MAN2A1: variants seen among roughly 807,000 people sequenced by gnomAD.
MAN2A1 encodes the protein alpha-mannosidase 2.
Under a neutral mutation model 142.6 loss-of-function variants are expected in MAN2A1, and 76 were observed. The ratio of observed to expected loss-of-function variants is 0.53; its 90% CI spans 0.44 to 0.65. The LOEUF is 0.65. MAN2A1 is among the 30% of genes least tolerant of loss of function. The probability of loss-of-function intolerance (pLI) is 0.00; values close to 1 mark genes in which losing one functional copy is unlikely to be tolerated. For synonymous variants in MAN2A1, 559 were observed against 473.2 expected (o/e 1.18, Z -2.35); for missense variants, 1,311 against 1,365.1 (o/e 0.96, Z 0.62).
intron 12 of MAN2A1, among the ~76,000 whole-genome samples, chr5:109,803,911 G>T (rs1046338482): frequency 2.0e-5 from 3 of 152,150 alleles, no homozygotes; most frequent in African/African-American, 7.2e-5. Flanking sequence ...ATTTCTATTG[G>T]GGTGGGAGTA....
At chr5:109,782,640 A>G (rs139547496) in intron 9 of MAN2A1, among the ~76,000 whole-genome samples, 2 of 152,262 alleles carry the variant, frequency 1.3e-5, no homozygotes, top group South Asian at 2.1e-4. Flanking sequence ...ATTAAAAATT[A>G]TGAATTTAAG....
chr5:109,845,843 A>T (rs750777743), intron 17 of MAN2A1, 22 bp from the exon 18 acceptor site: 3 of 1,591,380 alleles, frequency 1.9e-6, no homozygotes, highest in African/African-American at 2.7e-5. Context: ...CTTTTTGTAG[A>T]TGGAATTGTT....
At chr5:109,713,378 G>A in intron 1 of MAN2A1, 142 bp from the exon 2 acceptor site, 1 of 566,126 alleles carries the variant, frequency 1.8e-6, no homozygotes, top group African/African-American at 1.9e-5. Context: ...CATGCTTTCT[G>A]CGATCCCACT....
chr5:109,803,573 AT>A (rs1394093078), intron 12 of MAN2A1, among the ~76,000 whole-genome samples: 1 of 152,070 alleles, frequency 6.6e-6, no homozygotes, highest in Non-Finnish European at 1.5e-5. Context: ...TATATATAGA[AT>A]TATGATGAGG....
chr5:109,840,473 A>T (rs1380783098), intron 16 of MAN2A1: 13 of 479,138 alleles, frequency 2.7e-5, no homozygotes, highest in South Asian at 1.4e-4. Flanking sequence ...GAAGTCATCA[A>T]ACCGAGAATC....
At chr5:109,846,070 G>C (rs1755337759) in intron 18 of MAN2A1, 64 bp downstream of exon 18, 3 of 1,454,388 alleles carry the variant, frequency 2.1e-6, no homozygotes, top group Non-Finnish European at 1.9e-6. Context: ...TACTTTTTCT[G>C]TTGGTCAGAT....
intron 7 of MAN2A1, among the ~76,000 whole-genome samples, chr5:109,774,298 A>C (rs1285759413): frequency 6.6e-6 from 1 of 152,150 alleles, no homozygotes; most frequent in Non-Finnish European, 1.5e-5. Context: ...GGTTTTGTTC[A>C]AAGTACACTT....
chr5:109,750,165 G>GT (rs1752508074), intron 4 of MAN2A1, among the ~76,000 whole-genome samples: 1 of 151,874 alleles, frequency 6.6e-6, no homozygotes, highest in East Asian at 1.9e-4. Flanking sequence ...AATTTTCTTT[G>GT]TTTTTTGGGG....
At chr5:109,737,998 G>C (rs544877378) in intron 4 of MAN2A1, among the ~76,000 whole-genome samples, 11 of 152,164 alleles carry the variant, frequency 7.2e-5, no homozygotes, top group African/African-American at 2.7e-4. Flanking sequence ...TGAGGTGTGT[G>C]CGTGTGCTTT....
chr5:109,774,771 G>T lies in MAN2A1; in HGVS notation c.1197-17G>T, dbSNP rs1753237275. On this transcript the variant is annotated splice_polypyrimidine_tract_variant and intron_variant, in intron 7 of 21. Transcript: ENST00000261483. ...AAATTCATATTTGCTGTTTTTTTGTGTTTGTTTTTTTTGTAGGGCTCGGAT... is the reference window on the plus strand; with the variant it reads ...AAATTCATATTTGCTGTTTTTTTGTTTTTGTTTTTTTTGTAGGGCTCGGAT... 5 of 1,579,598 alleles carry T rather than the reference G, an allele frequency of 3.2e-6. No homozygotes were observed. The highest frequency in any genetic ancestry group is 2.8e-5 in the African/African-American group (2 of 71,966).
Position 109,784,804 on chromosome 5 carries a change from AT to A in MAN2A1, c.1641del (p.Leu548SerfsTer9). ...AAGCTCACAAATACAAGATAAATAA[AT>A]TTCTCTCATCATCACTTTACACGGC... The part of the protein sequence containing the change: ...RQAHKYKINK[F>X]LSSSLYTALT... On this transcript the variant is annotated frameshift_variant, in exon 10 of 22. Transcript: ENST00000261483. LOFTEE classifies it high-confidence loss of function. 2 of 1,611,932 alleles carry A rather than the reference AT, an allele frequency of 1.2e-6. No individual in the cohort carries two copies. Among genetic ancestry groups the A allele is most frequent in the African/African-American group, 1.3e-5 (1 of 74,928 alleles).
At chr5:109,753,766 G>C (rs970425410) in intron 4 of MAN2A1, among the ~76,000 whole-genome samples, 1 of 152,114 alleles carries the variant, frequency 6.6e-6, no homozygotes, top group African/African-American at 2.4e-5. Context: ...GCTGTTAGCT[G>C]TAGGCATCCA....
intron 1 of MAN2A1, among the ~76,000 whole-genome samples, chr5:109,706,215 A>T (rs1275946038): frequency 2.0e-5 from 3 of 152,212 alleles, no homozygotes; most frequent in Admixed American, 6.5e-5. Context: ...GTAACTTTGA[A>T]CTTGCCCAGA....
At chr5:109,833,363 A>G (rs1336348399) in intron 16 of MAN2A1, among the ~76,000 whole-genome samples, 1 of 151,968 alleles carries the variant, frequency 6.6e-6, no homozygotes, top group Non-Finnish European at 1.5e-5. Flanking sequence ...ACGCCACTGC[A>G]CTCCAGCCTG....
chr5:109,777,138 G>T (rs1270332792), intron 8 of MAN2A1, among the ~76,000 whole-genome samples: 1 of 152,074 alleles, frequency 6.6e-6, no homozygotes, highest in Non-Finnish European at 1.5e-5. Flanking sequence ...CATTGAGTAT[G>T]CACATGTTCA....
chr5:109,716,366 C>T, intron 3 of MAN2A1, 102 bp downstream of exon 3: 1 of 869,318 alleles, frequency 1.2e-6, no homozygotes. Flanking sequence ...ATTTTTGAGA[C>T]ATTATTCTCT....
chr5:109,783,072 T>G (rs1283243410), intron 9 of MAN2A1, among the ~76,000 whole-genome samples: 1 of 152,110 alleles, frequency 6.6e-6, no homozygotes, highest in Non-Finnish European at 1.5e-5. Flanking sequence ...TGTTATAAAG[T>G]GGGTTATATT....
intron 4 of MAN2A1, among the ~76,000 whole-genome samples, chr5:109,744,335 A>G (rs564236529): frequency 5.9e-5 from 9 of 152,262 alleles, no homozygotes; most frequent in East Asian, 1.9e-4. Flanking sequence ...TTAAACCTGA[A>G]TGATGACTAG....
At chr5:109,775,663 C>T (rs944801574) in intron 8 of MAN2A1, among the ~76,000 whole-genome samples, 9 of 152,056 alleles carry the variant, frequency 5.9e-5, no homozygotes, top group Admixed American at 3.3e-4. Flanking sequence ...AAGCCAATCT[C>T]AGGTTTCATA....
Sources: allele counts gnomAD v4.1 joint callset (sites outside exome capture counted in the v4.1 genomes callset), GRCh38; gene constraint gnomAD v4.1.1; transcripts MANE v1.5; gene names NCBI Gene and HGNC (gene_info 2026-07-23, HGNC 2026-07-21).